CUL2: variants seen among roughly 807,000 people sequenced by gnomAD.
CUL2 encodes the protein cullin 2, also known as cullin-2.
A neutral mutation model predicts 110.2 loss-of-function variants in CUL2; 22 were observed. That is an observed-to-expected ratio of 0.20 (90% CI 0.14 to 0.28). The LOEUF is 0.28. Ranked by LOEUF, CUL2 falls within the 10% of genes least tolerant of loss-of-function variation. The probability of loss-of-function intolerance (pLI) is 1.00; values close to 1 mark genes in which losing one functional copy is unlikely to be tolerated. For synonymous variants in CUL2, 279 were observed against 293.2 expected (o/e 0.95, Z 0.49); for missense variants, 631 against 905.5 (o/e 0.70, Z 3.89).
At chr10:35,074,056 T>TA in intron 1 of CUL2, 1 of 860,766 alleles carries the variant, frequency 1.2e-6, no homozygotes, top group Non-Finnish European at 1.9e-6. Context: ...GCTACCTCAC[T>TA]AACATGCTTG....
At chr10:35,046,374 A>C (rs571144431) in intron 6 of CUL2, among the ~76,000 whole-genome samples, 15 of 152,336 alleles carry the variant, frequency 9.8e-5, no homozygotes, top group African/African-American at 3.4e-4. Context: ...CAAAACTCTA[A>C]GTATACACAC....
intron 20 of CUL2, 44 bp from the exon 21 acceptor site, chr10:35,010,486 C>G: frequency 6.4e-7 from 1 of 1,559,752 alleles, no homozygotes. Flanking sequence ...AGTTCTTCAG[C>G]TATTAAGTAA....
intron 14 of CUL2, among the ~76,000 whole-genome samples, chr10:35,030,532 G>A (rs923929206): frequency 8.5e-5 from 13 of 152,084 alleles, no homozygotes; most frequent in African/African-American, 1.9e-4. Context: ...AGAGGAACAC[G>A]CCACCAAGCC....
Position 35,027,653 on chromosome 10 carries a change from C to T in CUL2, c.1617+1157G>A, listed in dbSNP as rs200407938. 1.2e-4 allele frequency among the ~76,000 whole-genome samples: 18 copies of T among 152,092 alleles called. No individual in the cohort carries two copies. The East Asian group carries it at 3.3e-3, about 28-fold the overall frequency. ...TAAAAAATGCAAATCATCACTAAGGCAGGATGGATTAATTTACATGAGAAA... is the reference window on the plus strand; with the variant it reads ...TAAAAAATGCAAATCATCACTAAGGTAGGATGGATTAATTTACATGAGAAA... On this transcript the variant is annotated intron_variant, in intron 16 of 20. Coordinates refer to ENST00000374749, the MANE Select transcript of CUL2 (RefSeq NM_003591.4).
chr10:35,088,962 G>A (rs1010776967), intron 1 of CUL2, among the ~76,000 whole-genome samples: 1 of 152,200 alleles, frequency 6.6e-6, no homozygotes, highest in Non-Finnish European at 1.5e-5. Context: ...AATCACCTGA[G>A]GTCAGGAGTT....
chr10:35,072,099 A>C (rs1337482945), intron 1 of CUL2, among the ~76,000 whole-genome samples: 1 of 152,204 alleles, frequency 6.6e-6, no homozygotes, highest in Non-Finnish European at 1.5e-5. Flanking sequence ...ATGAGAAGAC[A>C]CAAGAAAATG....
chr10:35,063,212 A>G (rs568698230), intron 2 of CUL2, 150 bp from the exon 3 acceptor site: 174 of 498,356 alleles, frequency 3.5e-4, no homozygotes, highest in Middle Eastern at 3.2e-3. Flanking sequence ...ATGACAAGAT[A>G]GAATACATAA....
upstream of CUL2, among the ~76,000 whole-genome samples, chr10:35,094,184 C>T (rs1223568277): frequency 6.6e-6 from 1 of 151,962 alleles, no homozygotes; most frequent in Non-Finnish European, 1.5e-5. Context: ...ACAAGAATGG[C>T]ATAATACAAT....
chr10:35,067,610 G>C (rs2086567117), intron 2 of CUL2, among the ~76,000 whole-genome samples: 1 of 151,818 alleles, frequency 6.6e-6, no homozygotes. Flanking sequence ...AATTAGCCAG[G>C]TCATGCACAT....
chr10:35,077,288 C>T (rs984638099), intron 1 of CUL2, among the ~76,000 whole-genome samples: 17 of 149,322 alleles, frequency 1.1e-4, no homozygotes, highest in African/African-American at 3.7e-4. Flanking sequence ...AGCAAGACTC[C>T]GTCTCAAAAA....
At chr10:35,114,057 G>C (rs548312590) in intron 1 of CUL2, among the ~76,000 whole-genome samples, 2 of 148,280 alleles carry the variant, frequency 1.3e-5, no homozygotes, top group African/African-American at 2.5e-5. Flanking sequence ...ACAGGTGCCC[G>C]CCACCACACC....
At chr10:35,060,224 T>C (rs1203796976) in intron 4 of CUL2, among the ~76,000 whole-genome samples, 2 of 151,526 alleles carry the variant, frequency 1.3e-5, no homozygotes, top group Non-Finnish European at 2.9e-5. Flanking sequence ...GCTGAGATCA[T>C]GCAACTACAC....
chr10:35,089,982 A>C (rs1278383160), intron 1 of CUL2, 197 bp downstream of exon 1: 2 of 152,328 alleles, frequency 1.3e-5, no homozygotes, highest in Admixed American at 6.5e-5. Context: ...AGGGGGTGGC[A>C]GGGCTTACGG....
chr10:35,091,548 T>C (rs985553396), upstream of CUL2, among the ~76,000 whole-genome samples: 3 of 152,174 alleles, frequency 2.0e-5, no homozygotes, highest in African/African-American at 7.2e-5. Flanking sequence ...TCCCCAGACC[T>C]CTGGAAATCC....
Position 35,025,182 on chromosome 10 carries a change from C to T in CUL2, c.1634G>A (p.Ser545Asn), listed in dbSNP as rs1423661008. The T allele has an allele frequency of 1.2e-5, 18 of 1,558,516 alleles. No homozygotes were observed. The highest frequency in any genetic ancestry group is 1.5e-5 in the Non-Finnish European group (17 of 1,158,832). The part of the protein sequence containing the change: ...KSVQMFELFY[S>N]QHFSGRKLTW... Reference sequence around the variant, plus strand: ...AAGTTTCCTTCCACTGAAATGTTGGCTATAAAATAATTCAAACTGTAAAAA... The same window carrying T: ...AAGTTTCCTTCCACTGAAATGTTGGTTATAAAATAATTCAAACTGTAAAAA... Residue 545 changes from serine (S) to asparagine (N), a missense_variant, in exon 17 of 21, where the codon AGC (serine) becomes AAC (asparagine). Physicochemically the swap from Ser to Asn is conservative, Grantham distance 46 (BLOSUM62 1). Transcript: ENST00000374749.
intron 18 of CUL2, among the ~76,000 whole-genome samples, chr10:35,014,394 A>ACAACAAC (rs1229548148): frequency 6.6e-6 from 1 of 152,206 alleles, no homozygotes; most frequent in Non-Finnish European, 1.5e-5. Flanking sequence ...AATTTTTAGA[A>ACAACAAC]TAACAACTTC....
At chr10:35,085,346 C>G in intron 1 of CUL2, among the ~76,000 whole-genome samples, 1 of 150,718 alleles carries the variant, frequency 6.6e-6, no homozygotes, top group South Asian at 2.1e-4. Flanking sequence ...AGGAGAATGG[C>G]GTAGACCCAG....
chr10:35,032,365 G>T, intron 12 of CUL2, 70 bp downstream of exon 12: 1 of 1,278,258 alleles, frequency 7.8e-7, no homozygotes, highest in Non-Finnish European at 1.1e-6. Context: ...AAATTAATTT[G>T]ATATTCTGAG....
chr10:35,085,965 G>A (rs1454478656), intron 1 of CUL2, among the ~76,000 whole-genome samples: 4 of 152,044 alleles, frequency 2.6e-5, no homozygotes, highest in East Asian at 1.9e-4. Flanking sequence ...CAATATACCC[G>A]GGTAACAAAC....
Sources: gnomAD v4.1 joint callset for allele counts (sites outside exome capture counted in the v4.1 genomes callset) on GRCh38, gnomAD v4.1.1 for gene constraint, MANE v1.5 for transcripts, NCBI Gene and HGNC (gene_info 2026-07-23, HGNC 2026-07-21) for gene names.